PRELID2: variants seen among roughly 807,000 people sequenced by gnomAD.
The protein encoded by PRELID2 is PRELI domain-containing protein 2.
A neutral mutation model predicts 28.4 loss-of-function variants in PRELID2; 25 were observed. The ratio of observed to expected loss-of-function variants is 0.88; its 90% CI spans 0.64 to 1.23. The LOEUF is 1.23. PRELID2 is among the 50% of genes most tolerant of loss of function. The pLI, the probability that PRELID2 is intolerant of heterozygous loss-of-function variation, is 0.00. For synonymous variants in PRELID2, 76 were observed against 71.6 expected, an observed-to-expected ratio of 1.06 and a Z score of -0.31; for missense variants, 201 against 214.4, an observed-to-expected ratio of 0.94 and a Z score of 0.39.
At chr5:145,326,307 C>A in the PRELID2 span, among the ~76,000 whole-genome samples, 1 of 152,096 alleles carries the variant, frequency 6.6e-6, no homozygotes, top group East Asian at 1.9e-4. Context: ...CAGTCAGCCA[C>A]AGCATTATTA....
the PRELID2 span, among the ~76,000 whole-genome samples, chr5:145,316,927 T>A: frequency 6.6e-6 from 1 of 152,232 alleles, no homozygotes; most frequent in Non-Finnish European, 1.5e-5. Context: ...AAGAATTTAG[T>A]CTTGCTCTCA....
the PRELID2 span, among the ~76,000 whole-genome samples, chr5:145,395,746 A>T: frequency 1.3e-5 from 2 of 152,174 alleles, no homozygotes. Context: ...AAAAAAAACA[A>T]AAAAGACAGG....
chr5:145,376,069 C>T, the PRELID2 span, among the ~76,000 whole-genome samples: 3 of 152,240 alleles, frequency 2.0e-5, no homozygotes, highest in East Asian at 3.9e-4. Flanking sequence ...AGGTATTTGC[C>T]TTTAATACCT....
the PRELID2 span, among the ~76,000 whole-genome samples, chr5:145,433,560 C>T: frequency 1.3e-5 from 2 of 152,174 alleles, no homozygotes; most frequent in African/African-American, 4.8e-5. Context: ...GGTCCTTTAT[C>T]AGCTTCTTTC....
At chr5:145,832,868 T>C (rs1755694490) in intron 1 of PRELID2, among the ~76,000 whole-genome samples, 1 of 152,156 alleles carries the variant, frequency 6.6e-6, no homozygotes, top group Admixed American at 6.5e-5. Context: ...CCAGTGCCAC[T>C]TCTTCAGGAA....
intron 1 of PRELID2, among the ~76,000 whole-genome samples, chr5:145,617,723 TTTTC>T (rs1156372193): frequency 6.7e-6 from 1 of 149,606 alleles, no homozygotes. Flanking sequence ...TTGTTTTTTC[TTTTC>T]TTTCTTTTTT....
At chr5:145,323,344 A>T in the PRELID2 span, among the ~76,000 whole-genome samples, 2 of 152,208 alleles carry the variant, frequency 1.3e-5, no homozygotes, top group Admixed American at 1.3e-4. Flanking sequence ...GAACAATGGG[A>T]TATGGCTTAG....
the PRELID2 span, among the ~76,000 whole-genome samples, chr5:145,410,229 T>TCTC: frequency 3.9e-5 from 6 of 151,962 alleles, no homozygotes; most frequent in African/African-American, 1.5e-4. Flanking sequence ...CATGAGAAAA[T>TCTC]CTCTTCTAGA....
chr5:145,588,462 T>TATGA (rs1753183115), intron 1 of PRELID2, among the ~76,000 whole-genome samples: 1 of 152,180 alleles, frequency 6.6e-6, no homozygotes, highest in African/African-American at 2.4e-5. Flanking sequence ...CGTACTTAAG[T>TATGA]ATGAATGAAT....
the PRELID2 span, among the ~76,000 whole-genome samples, chr5:145,454,363 C>T: frequency 6.6e-6 from 1 of 152,152 alleles, no homozygotes; most frequent in Non-Finnish European, 1.5e-5. Flanking sequence ...CCTTTGAAAA[C>T]TGGCACAAGA....
the PRELID2 span, among the ~76,000 whole-genome samples, chr5:145,426,246 C>T: frequency 1.2e-4 from 18 of 152,142 alleles, no homozygotes; most frequent in Non-Finnish European, 2.1e-4. Flanking sequence ...TTCTCTAAAA[C>T]AGAAATAAGT....
chr5:145,317,168 G>A, the PRELID2 span, among the ~76,000 whole-genome samples: 1 of 152,318 alleles, frequency 6.6e-6, no homozygotes. Flanking sequence ...TTTAATAGGT[G>A]CTTTCAAGCA....
chr5:145,800,049 C>T (rs1468511046), intron 4 of PRELID2, among the ~76,000 whole-genome samples: 3 of 151,932 alleles, frequency 2.0e-5, no homozygotes, highest in Non-Finnish European at 4.4e-5. Context: ...AAATGAGAGC[C>T]ACGTCTCCTG....
At chr5:145,551,128 T>C (rs969552856) in intron 1 of PRELID2, among the ~76,000 whole-genome samples, 2 of 152,206 alleles carry the variant, frequency 1.3e-5, no homozygotes, top group Non-Finnish European at 1.5e-5. Flanking sequence ...CCAATTTGCA[T>C]AGGAACATGC....
the PRELID2 span, among the ~76,000 whole-genome samples, chr5:145,464,112 A>G: frequency 1.3e-5 from 2 of 152,184 alleles, no homozygotes; most frequent in African/African-American, 4.8e-5. Context: ...CAGGTCTCAT[A>G]TATCAGATAG....
At chr5:145,513,173 A>C (rs1270707895) in intron 1 of PRELID2, among the ~76,000 whole-genome samples, 6 of 152,044 alleles carry the variant, frequency 3.9e-5, no homozygotes, top group African/African-American at 4.8e-5. Flanking sequence ...CAGAAGGTGA[A>C]TAATAACAAA....
intron 1 of PRELID2, among the ~76,000 whole-genome samples, chr5:145,743,424 A>G (rs1756894438): frequency 6.6e-6 from 1 of 151,602 alleles, no homozygotes; most frequent in South Asian, 2.1e-4. Context: ...AAAAAAAAAA[A>G]AAAAAAGAAA....
chr5:145,605,450 TTTTGTCAAC>T (rs1753490982), intron 1 of PRELID2, among the ~76,000 whole-genome samples: 1 of 152,154 alleles, frequency 6.6e-6, no homozygotes, highest in Non-Finnish European at 1.5e-5. Context: ...CATTGTTTGT[TTTTGTCAAC>T]TTTGTCAAAG....
intron 1 of PRELID2, among the ~76,000 whole-genome samples, chr5:145,823,916 T>C (rs1364534366): frequency 6.6e-6 from 1 of 152,194 alleles, no homozygotes; most frequent in Non-Finnish European, 1.5e-5. Context: ...TTTTTTCCAC[T>C]TCATATATGA....
Sources: allele counts gnomAD v4.1 joint callset (sites outside exome capture counted in the v4.1 genomes callset), GRCh38; gene constraint gnomAD v4.1.1; transcripts MANE v1.5; gene names NCBI Gene and HGNC (gene_info 2026-07-23, HGNC 2026-07-21).